The following BIRC6 variants were observed in gnomAD, a reference collection of about 807,000 sequenced individuals.
The protein encoded by BIRC6 is dual E2 ubiquitin-conjugating enzyme/E3 ubiquitin-protein ligase BIRC6.
BIRC6 carries 98 observed loss-of-function variants against 503.3 expected under a neutral mutation model. The ratio of observed to expected loss-of-function variants is 0.19; its 90% confidence interval spans 0.17 to 0.23. The LOEUF (loss-of-function observed/expected upper bound fraction) is 0.23, where lower values mean the gene tolerates loss of function less well. BIRC6 is among the 10% of genes least tolerant of loss of function. The pLI is 1.00. For missense variants in BIRC6, 5,360 were observed against 5,806.0 expected (o/e 0.92, Z 2.50); for synonymous variants, 2,240 against 2,078.7 (o/e 1.08, Z -2.11).
intron 66 of BIRC6, among the ~76,000 whole-genome samples, chr2:32,579,978 G>C (rs1355451181): frequency 7.0e-6 from 1 of 143,594 alleles, no homozygotes; most frequent in Non-Finnish European, 1.5e-5. Flanking sequence ...TTTTTGGACA[G>C]AGTCTCGCTC....
intron 10 of BIRC6, among the ~76,000 whole-genome samples, chr2:32,423,543 A>G (rs1168993774): frequency 6.6e-6 from 1 of 152,160 alleles, no homozygotes; most frequent in Non-Finnish European, 1.5e-5. Context: ...TATAAGTGGA[A>G]TCATGTATTT....
At chr2:32,439,412 T>C in intron 15 of BIRC6, 96 bp from the exon 16 acceptor site, 1 of 1,225,816 alleles carries the variant, frequency 8.2e-7, no homozygotes, top group South Asian at 1.6e-5. Flanking sequence ...CTGTACTTTT[T>C]GTGGAGTTAG....
At chr2:32,443,683 A>G (rs888573802) in intron 20 of BIRC6, 95 bp downstream of exon 20, 1 of 988,096 alleles carries the variant, frequency 1.0e-6, no homozygotes, top group Non-Finnish European at 1.5e-6. Flanking sequence ...TTTCTCTATT[A>G]AAGTTCACTT....
chr2:32,357,525 AAAG>A lies in BIRC6; in HGVS notation c.325+43_325+45del. ...ACGCCGGGCGGGCGCGAAGCCGGGG[AAAG>A]AAGCCGTCCAGCCCCGGGGCTCGGC... On this transcript the variant is annotated intron_variant, in intron 1 of 73. Transcript: ENST00000421745. The surrounding 1 kb of genome is among the most constrained non-coding windows in gnomAD (Gnocchi z 4.9). 6.5e-7 allele frequency: 1 copy of A among 1,531,974 alleles called. No individual in the cohort carries two copies. Among genetic ancestry groups the A allele is most frequent in the South Asian group, 1.2e-5 (1 of 82,244 alleles). 94.9% of individuals were successfully genotyped at this position (1,531,974 alleles called of 1,614,324 possible).
At chr2:32,508,560 C>T (rs558239298) in intron 51 of BIRC6, among the ~76,000 whole-genome samples, 43 of 151,920 alleles carry the variant, frequency 2.8e-4, no homozygotes, top group Admixed American at 5.2e-4. Context: ...TACTCTGTTT[C>T]GGGAATTTGC....
At chr2:32,471,316 T>C (rs929968285) in intron 32 of BIRC6, among the ~76,000 whole-genome samples, 192 bp downstream of exon 32, 7 of 152,228 alleles carry the variant, frequency 4.6e-5, no homozygotes, top group Admixed American at 2.0e-4. Flanking sequence ...CTTGGTGGAC[T>C]TTATAGACAA....
intron 68 of BIRC6, among the ~76,000 whole-genome samples, chr2:32,596,945 A>G (rs2061714256): frequency 6.6e-6 from 1 of 152,256 alleles, no homozygotes; most frequent in South Asian, 2.1e-4. Context: ...AGACCCCTTC[A>G]TTAATGTTAG....
chr2:32,414,737 A>G, intron 9 of BIRC6, 32 bp from the exon 10 acceptor site: 1 of 1,544,310 alleles, frequency 6.5e-7, no homozygotes, highest in Non-Finnish European at 8.9e-7. Context: ...ATGAGTAGAA[A>G]CATATCTAAT....
intron 32 of BIRC6, among the ~76,000 whole-genome samples, chr2:32,472,186 C>A (rs1191431060): frequency 2.6e-5 from 4 of 152,190 alleles, no homozygotes; most frequent in Non-Finnish European, 5.9e-5. Flanking sequence ...CCTGTCTCAG[C>A]CTCCCAAGTA....
intron 24 of BIRC6, among the ~76,000 whole-genome samples, 168 bp from the exon 25 acceptor site, chr2:32,464,341 T>A (rs2048305375): frequency 6.6e-6 from 1 of 152,250 alleles, no homozygotes; most frequent in Non-Finnish European, 1.5e-5. Flanking sequence ...AAAGTGTATA[T>A]AGCAAAGCAA....
At position 32,476,117 on chromosome 2, in the gene BIRC6, A is replaced by G. The variant is rs985510470; in HGVS notation, c.6721-96A>G. On this transcript the variant is annotated intron_variant, in intron 33 of 73. Coordinates refer to ENST00000421745, the MANE Select transcript of BIRC6 (RefSeq NM_016252.4). ...TACTACATCTTTCAAGATAATGTGC[A>G]TTCCATTAGTTTGATGTATGAATTC... 1.6e-5 allele frequency: 14 copies of G among 875,348 alleles called. No individual in the cohort carries two copies. In the African/African-American group the frequency reaches 2.4e-4, roughly 15 times the overall value. 54.2% of individuals were successfully genotyped at this position (875,348 alleles called of 1,614,324 possible).
At chr2:32,386,367 T>G (rs2038460383) in intron 3 of BIRC6, among the ~76,000 whole-genome samples, 1 of 152,172 alleles carries the variant, frequency 6.6e-6, no homozygotes, top group African/African-American at 2.4e-5. Context: ...ACAGTCATTC[T>G]TCAAGATTCA....
rs1234276396 is a variant in BIRC6, at chr2:32,510,447, A to C, written c.10238-79A>C. The C allele has an allele frequency of 8.3e-6, 7 of 841,548 alleles. No individual in the cohort carries two copies. The African/African-American group carries it at 1.2e-4, about 14-fold the overall frequency. The allele number at this position is 841,548 out of a possible 1,614,324, so 52.1% of individuals were successfully genotyped here. A position where few individuals can be genotyped will look rare whatever the true frequency, so the allele number is the denominator to read the frequency against. Reference sequence around the variant, plus strand: ...ATGGAAGCCTCATTTTTAATGAATAACTTAATTCAATTAAGTAAATCTTCC... The same window carrying C: ...ATGGAAGCCTCATTTTTAATGAATACCTTAATTCAATTAAGTAAATCTTCC... On this transcript the variant is annotated intron_variant, in intron 52 of 73. Transcript: ENST00000421745.
intron 55 of BIRC6, among the ~76,000 whole-genome samples, chr2:32,517,855 A>G (rs2055225821): frequency 6.6e-6 from 1 of 152,144 alleles, no homozygotes; most frequent in Non-Finnish European, 1.5e-5. Flanking sequence ...TTCTGAGATT[A>G]TCAGCATGAC....
chr2:32,473,741 G>C (rs1558828907), intron 33 of BIRC6, among the ~76,000 whole-genome samples: 1 of 133,710 alleles, frequency 7.5e-6, no homozygotes, highest in African/African-American at 2.9e-5. Context: ...GTGTGTGTGT[G>C]TGTGTGTGTA....
In BIRC6 at chr2:32,518,810, T is replaced by A; in HGVS notation, c.11494-7T>A. 1 of 1,610,396 alleles carries A rather than the reference T, an allele frequency of 6.2e-7. No homozygotes were observed. Among genetic ancestry groups the A allele is most frequent in the Non-Finnish European group, 8.5e-7 (1 of 1,178,138 alleles). On this transcript the variant is annotated splice_polypyrimidine_tract_variant and splice_region_variant and intron_variant, in intron 56 of 73. Coordinates refer to ENST00000421745, the MANE Select transcript of BIRC6 (RefSeq NM_016252.4). ...CTTCCTGATTTCTTTGATTTCTTGA[T>A]TTTCAGCTGTACAAAGGTAGAATTA...
chr2:32,385,708 C>T (rs956413698), intron 3 of BIRC6, among the ~76,000 whole-genome samples: 1 of 152,176 alleles, frequency 6.6e-6, no homozygotes, highest in Non-Finnish European at 1.5e-5. Flanking sequence ...GAGCATCTTG[C>T]AGTACAGTCT....
At position 32,503,111 on chromosome 2, in the gene BIRC6, T is replaced by C. The variant is rs2053388899; in HGVS notation, c.9374T>C (p.Met3125Thr). Residue 3125 changes from methionine to threonine, a missense_variant, in exon 49 of 74, where the codon ATG becomes ACG. By Grantham distance (81) the Met-to-Thr change is moderately conservative. This residue lies in a region of BIRC6 where 267 missense variants were observed against 287.6 expected (regional missense o/e 0.93). Coordinates refer to ENST00000421745, the MANE Select transcript of BIRC6 (RefSeq NM_016252.4). ...TRAIVNTARS[M>T]VSTIMKFLDS... ...GCTATTGTGAACACTGCAAGAAGTA[T>C]GGTATCAACTATTATGAAATTTCTT... is the stretch of plus-strand genomic sequence containing the variant. 2.5e-6 allele frequency: 4 copies of C among 1,611,448 alleles called. No individual in the cohort carries two copies. Among genetic ancestry groups the C allele is most frequent in the Non-Finnish European group, 3.4e-6 (4 of 1,178,628 alleles).
intron 10 of BIRC6, among the ~76,000 whole-genome samples, chr2:32,417,139 T>G (rs114194282): frequency 0.16 from 24,422 of 151,854 alleles, 2,038 homozygotes; most frequent in Admixed American, 0.22. Flanking sequence ...GCCAGGCCTT[T>G]TCTTTTCTTT....
Sources: allele counts gnomAD v4.1 joint callset (sites outside exome capture counted in the v4.1 genomes callset), GRCh38; gene constraint gnomAD v4.1.1; regional missense constraint gnomAD v4.1.1; non-coding constraint Gnocchi (gnomAD v3.1); transcripts MANE v1.5; gene names NCBI Gene and HGNC (gene_info 2026-07-23, HGNC 2026-07-21).